ERCC6L2: variants seen among roughly 807,000 people sequenced by gnomAD.
The protein encoded by ERCC6L2 is ERCC excision repair 6 like 2.
ERCC6L2 carries 77 observed loss-of-function variants against 132.0 expected under a neutral mutation model. The observed-to-expected ratio is 0.58, with a 90% CI of 0.49 to 0.71. ERCC6L2 has a LOEUF of 0.71. Among genes scored for constraint, ERCC6L2 ranks in the 30% least tolerant of loss-of-function variants. The pLI, the probability that ERCC6L2 is intolerant of heterozygous loss-of-function variation, is 0.00. For synonymous variants in ERCC6L2, 583 were observed against 632.4 expected, an observed-to-expected ratio of 0.92 and a Z score of 1.17; for missense variants, 1,542 against 1,837.6, an observed-to-expected ratio of 0.84 and a Z score of 2.94.
chr9:95,881,180 A>G lies in ERCC6L2; in HGVS notation c.358A>G (p.Asn120Asp). Reference protein sequence around the residue: ...DNGDSIPYTINRYLRDYQREG... With the variant: ...DNGDSIPYTIDRYLRDYQREG... Reference sequence around the variant, plus strand: ...TGGAGACTCTATTCCTTATACCATCAATAGGTATTTGAGAGACTACCAAAG... The same window carrying G: ...TGGAGACTCTATTCCTTATACCATCGATAGGTATTTGAGAGACTACCAAAG... Residue 120 changes from asparagine to aspartate, a missense_variant, in exon 2 of 19, where the codon AAT (asparagine) becomes GAT (aspartate). Coordinates refer to ENST00000653738, the MANE Select transcript of ERCC6L2 (RefSeq NM_020207.7). 2.5e-6 allele frequency: 4 copies of G among 1,613,382 alleles called. No individual in the cohort carries two copies. Among genetic ancestry groups the G allele is most frequent in the Non-Finnish European group, 3.4e-6 (4 of 1,179,754 alleles).
At position 95,941,528 on chromosome 9, in the gene ERCC6L2, A is replaced by G. The variant is rs200972525; in HGVS notation, c.1826A>G (p.Asn609Ser). The G allele has an allele frequency of 6.4e-5, 104 of 1,613,000 alleles. No homozygotes were observed. The highest frequency in any genetic ancestry group is 5.8e-4 in the Admixed American group (35 of 59,966). Residue 609 changes from asparagine to serine, a missense_variant, in exon 12 of 19, where the codon AAT (asparagine) becomes AGT (serine). By Grantham distance (46) the Asn-to-Ser change is conservative. Around this residue, in one of 4 missense-constraint regions of ERCC6L2, gnomAD observed 945 missense variants for 1,105.2 expected, o/e 0.86. Transcript: ENST00000653738. ...VLFDPTWNPA[N>S]DLQAIDRAYR... is the part of the protein sequence containing the mutation. ...TTTGATCCTACTTGGAATCCAGCCA[A>G]TGATCTTCAAGCCATTGACAGGTAT...
intron 17 of ERCC6L2, 79 bp from the exon 18 acceptor site, chr9:96,004,441 A>G: frequency 1.3e-6 from 1 of 791,846 alleles, no homozygotes; most frequent in Middle Eastern, 2.8e-4. Context: ...AGTATTGAGA[A>G]AAAGTAAGAC....
intron 2 of ERCC6L2, among the ~76,000 whole-genome samples, chr9:95,891,619 A>G (rs141378049): frequency 2.6e-5 from 4 of 151,868 alleles, no homozygotes; most frequent in Non-Finnish European, 4.4e-5. Flanking sequence ...AGGAACTGCA[A>G]TACTATTTTC....
At chr9:95,992,073 T>G (rs1833320443) in intron 17 of ERCC6L2, among the ~76,000 whole-genome samples, 1 of 152,212 alleles carries the variant, frequency 6.6e-6, no homozygotes, top group African/African-American at 2.4e-5. Context: ...CACAACAGAT[T>G]GAATGTAGAA....
At position 95,972,852 on chromosome 9, in the gene ERCC6L2, A is replaced by AT; in HGVS notation, c.3101_3102insT (p.Ser1035LeufsTer5). 7.7e-7 allele frequency: 1 copy of AT among 1,305,130 alleles called. No homozygotes were observed. The highest frequency in any genetic ancestry group is 1.0e-6 in the Non-Finnish European group (1 of 988,908). The allele number at this position is 1,305,130 out of a possible 1,614,324, so 80.8% of individuals were successfully genotyped here. A position where few individuals can be genotyped will look rare whatever the true frequency, so the allele number is the denominator to read the frequency against. On this transcript the variant is annotated frameshift_variant, in exon 16 of 19. Transcript: ENST00000653738. LOFTEE classifies it high-confidence loss of function. Reference sequence around the variant, plus strand: ...GTGTATGCAGCAAATGAGGATCATAACTCTCAGTTTATTGATGATTATTCA... The same window carrying AT: ...GTGTATGCAGCAAATGAGGATCATAATCTCTCAGTTTATTGATGATTATTCA...
chr9:95,921,416 A>G (rs1169576495), intron 7 of ERCC6L2, 101 bp downstream of exon 7: 6 of 911,068 alleles, frequency 6.6e-6, no homozygotes, highest in East Asian at 2.9e-5. Context: ...TTTTCCTCAG[A>G]CAGTTCTTTA....
intron 17 of ERCC6L2, among the ~76,000 whole-genome samples, chr9:95,995,542 C>T (rs1833442760): frequency 6.6e-6 from 1 of 152,182 alleles, no homozygotes; most frequent in African/African-American, 2.4e-5. Context: ...AATCATAATA[C>T]ATAGGCATTC....
Position 95,875,932 on chromosome 9 carries a change from C to T in ERCC6L2, c.-107C>T. 5 of 1,242,186 alleles carry T rather than the reference C, an allele frequency of 4.0e-6. No individual in the cohort carries two copies. Among genetic ancestry groups the T allele is most frequent in the Non-Finnish European group, 5.7e-6 (5 of 882,792 alleles). The allele number at this position is 1,242,186 out of a possible 1,614,324, so 76.9% of individuals were successfully genotyped here. On this transcript the variant is annotated 5_prime_UTR_variant, in exon 1 of 19. Transcript: ENST00000653738. ...CCGAAGAGCGATGCTCGGAGGGCGG[C>T]CGGAAGTGGCGTTGGCCGCCATTGG...
intron 12 of ERCC6L2, among the ~76,000 whole-genome samples, chr9:95,948,431 T>A (rs1831164486): frequency 1.3e-5 from 2 of 152,118 alleles, no homozygotes; most frequent in Admixed American, 6.5e-5. Context: ...GGCGGGTAGA[T>A]CACTTGAGGT....
chr9:95,879,624 G>T (rs1827484007), intron 1 of ERCC6L2, among the ~76,000 whole-genome samples: 1 of 152,200 alleles, frequency 6.6e-6, no homozygotes, highest in South Asian at 2.1e-4. Context: ...TTTGGGTCCA[G>T]AGAGTAGAGT....
At chr9:96,040,497 G>A (rs1834566243) in intron 20 of ERCC6L2, among the ~76,000 whole-genome samples, 2 of 152,246 alleles carry the variant, frequency 1.3e-5, no homozygotes. Flanking sequence ...CTCATAGCCA[G>A]GCGCTGGTGC....
intron 11 of ERCC6L2, among the ~76,000 whole-genome samples, chr9:95,937,552 G>C (rs569450702): frequency 6.6e-6 from 1 of 151,946 alleles, no homozygotes; most frequent in Non-Finnish European, 1.5e-5. Flanking sequence ...CAGGTTGTCT[G>C]TTTCATTTAG....
intron 1 of ERCC6L2, among the ~76,000 whole-genome samples, chr9:95,878,484 T>C (rs1480510587): frequency 1.3e-5 from 2 of 151,242 alleles, no homozygotes; most frequent in Non-Finnish European, 2.9e-5. Context: ...GATGCCAGTT[T>C]TTTGTTTTTT....
At chr9:95,910,758 A>C (rs953608484) in intron 4 of ERCC6L2, among the ~76,000 whole-genome samples, 28 of 152,196 alleles carry the variant, frequency 1.8e-4, no homozygotes, top group Admixed American at 1.8e-3. Flanking sequence ...AATCAAACTT[A>C]CAAGCTAATA....
At chr9:95,930,597 C>T (rs1222858928) in intron 11 of ERCC6L2, among the ~76,000 whole-genome samples, 2 of 152,144 alleles carry the variant, frequency 1.3e-5, no homozygotes, top group Non-Finnish European at 1.5e-5. Flanking sequence ...TCACTACTCT[C>T]TCCCCGTTTT....
intron 3 of ERCC6L2, among the ~76,000 whole-genome samples, chr9:95,899,108 G>C (rs1320295116): frequency 6.6e-6 from 1 of 151,906 alleles, no homozygotes; most frequent in East Asian, 1.9e-4. Context: ...AGAAGGAAAA[G>C]TAATATTTTA....
At chr9:95,884,802 A>G (rs541023513) in intron 2 of ERCC6L2, among the ~76,000 whole-genome samples, 1 of 152,320 alleles carries the variant, frequency 6.6e-6, no homozygotes, top group East Asian at 1.9e-4. Context: ...GAAAGAACGT[A>G]TATTTACCTC....
At chr9:95,988,193 T>G (rs577246497) in intron 17 of ERCC6L2, among the ~76,000 whole-genome samples, 1 of 152,370 alleles carries the variant, frequency 6.6e-6, no homozygotes, top group Non-Finnish European at 1.5e-5. Flanking sequence ...AATGAAAATG[T>G]GAATAATTAT....
In ERCC6L2 at chr9:95,896,401, T is replaced by G. The variant is rs551330086; in HGVS notation, c.472-1448T>G. ...GTTTTTTTGTTTGTTTGTTTGTTTG[T>G]TTTTTGATTTTTTTTTTTTGATTTT... On this transcript the variant is annotated intron_variant, in intron 2 of 18. Transcript: ENST00000653738. Among the ~76,000 whole-genome samples, 85 of 111,042 alleles carry G rather than the reference T, an allele frequency of 7.7e-4. 1 individual carries two copies. Among genetic ancestry groups the G allele is most frequent in the East Asian group, 4.7e-3 (15 of 3,176 alleles). The allele number at this position is 111,042 out of a possible 152,430, so 72.8% of individuals were successfully genotyped here. A position where few individuals can be genotyped will look rare whatever the true frequency, so the allele number is the denominator to read the frequency against.
Sources: gnomAD v4.1 joint callset for allele counts (sites outside exome capture counted in the v4.1 genomes callset) on GRCh38, gnomAD v4.1.1 for gene constraint, gnomAD v4.1.1 regional missense constraint, MANE v1.5 for transcripts, NCBI Gene and HGNC (gene_info 2026-07-23, HGNC 2026-07-21) for gene names.